The following PDSS2 variants were observed in gnomAD, a reference collection of about 807,000 sequenced individuals.
PDSS2 encodes the protein decaprenyl diphosphate synthase subunit 2, also known as all trans-polyprenyl-diphosphate synthase PDSS2.
PDSS2 carries 31 observed loss-of-function variants against 44.5 expected under a neutral mutation model. The observed-to-expected ratio is 0.70, with a 90% CI of 0.52 to 0.94. The LOEUF (loss-of-function observed/expected upper bound fraction) is 0.94. Among genes scored for constraint, PDSS2 ranks in the 40% least tolerant of loss-of-function variants. The pLI, the probability that PDSS2 is intolerant of heterozygous loss-of-function variation, is 0.00. For synonymous variants in PDSS2, 157 were observed against 180.3 expected, an observed-to-expected ratio of 0.87 and a Z score of 1.03; for missense variants, 452 against 482.2, an observed-to-expected ratio of 0.94 and a Z score of 0.59.
chr6:107,409,703 G>C (rs1248014830), intron 1 of PDSS2, among the ~76,000 whole-genome samples: 1 of 152,192 alleles, frequency 6.6e-6, no homozygotes, highest in Non-Finnish European at 1.5e-5. Context: ...ACTAGGCACT[G>C]AGCTAAACTC....
chr6:107,459,316 G>C lies in PDSS2; in HGVS notation c.-31C>G, dbSNP rs1381868933. On this transcript the variant is annotated 5_prime_UTR_variant, in exon 1 of 8. Coordinates refer to ENST00000369037, the MANE Select transcript of PDSS2 (RefSeq NM_020381.4). This position sits in a 1 kb window ranked among gnomAD's most constrained non-coding sequence, Gnocchi z 4.3. The stretch of plus-strand genomic sequence containing the variant: ...GAGTCTGGAAGGGTCTGGGACCTGG[G>C]GGTATCCAGAAGTGCCGCGGGAAAC... 1 of 1,604,170 alleles carries C rather than the reference G, an allele frequency of 6.2e-7. No individual in the cohort carries two copies. Among genetic ancestry groups the C allele is most frequent in the Admixed American group, 1.7e-5 (1 of 59,980 alleles).
intron 1 of PDSS2, among the ~76,000 whole-genome samples, chr6:107,434,177 A>G (rs1385138680): frequency 1.3e-5 from 2 of 152,242 alleles, no homozygotes; most frequent in Non-Finnish European, 2.9e-5. Context: ...TAGTACAACC[A>G]TTATGGAAAA....
chr6:107,311,045 G>C (rs552633269), intron 2 of PDSS2, among the ~76,000 whole-genome samples: 1 of 151,846 alleles, frequency 6.6e-6, no homozygotes, highest in African/African-American at 2.4e-5. Context: ...AGCCTCCTGA[G>C]TAGCTGAGAC....
chr6:107,225,143 A>ATATATATATATATT lies in PDSS2; in HGVS notation c.703-12862_703-12861insAATATATATATATA, dbSNP rs1297154076. 1.8e-3 allele frequency among the ~76,000 whole-genome samples: 75 copies of ATATATATATATATT among 41,578 alleles called. 5 individuals are homozygous for ATATATATATATATT. Among genetic ancestry groups the ATATATATATATATT allele is most frequent in the South Asian group, 4.2e-3 (5 of 1,182 alleles). The allele number at this position is 41,578 out of a possible 152,430, so 27.3% of individuals were successfully genotyped here. On this transcript the variant is annotated intron_variant, in intron 4 of 7. Coordinates refer to ENST00000369037, the MANE Select transcript of PDSS2 (RefSeq NM_020381.4). Reference sequence around the variant, plus strand: ...CTTCACTATATATATATTTTTATATATATATATATATATATATATTTTTTT... The same window carrying ATATATATATATATT: ...CTTCACTATATATATATTTTTATATATATATATATATATTTATATATATATATATATATTTTTTT...
Position 107,283,051 on chromosome 6 carries a change from G to A in PDSS2, c.432-8824C>T, listed in dbSNP as rs534598686. On this transcript the variant is annotated intron_variant, in intron 2 of 7. Coordinates refer to ENST00000369037, the MANE Select transcript of PDSS2 (RefSeq NM_020381.4). ...ATAAACAGTTTGGCTGGGTGTGGTG[G>A]CTCACACTTGTAATCCCAACACTTT... 2.6e-5 allele frequency among the ~76,000 whole-genome samples: 4 copies of A among 151,878 alleles called. No homozygotes were observed. The East Asian group carries it at 6.0e-4, about 23-fold the overall frequency.
intron 2 of PDSS2, among the ~76,000 whole-genome samples, chr6:107,332,591 G>T (rs1339904810): frequency 6.6e-6 from 1 of 151,356 alleles, no homozygotes; most frequent in African/African-American, 2.4e-5. Flanking sequence ...TTTTGAAATA[G>T]ATTAGAAAGG....
At chr6:107,195,975 G>T (rs1009675113) in intron 6 of PDSS2, among the ~76,000 whole-genome samples, 2 of 152,140 alleles carry the variant, frequency 1.3e-5, no homozygotes, top group Admixed American at 6.5e-5. Context: ...GAAACAAAAG[G>T]CCTCTGCAAC....
At chr6:107,282,592 T>A (rs9688429) in intron 2 of PDSS2, among the ~76,000 whole-genome samples, 2 of 150,930 alleles carry the variant, frequency 1.3e-5, no homozygotes, top group Non-Finnish European at 1.5e-5. Context: ...GGGGCCGGGC[T>A]CCGTGGTTCA....
chr6:107,371,713 G>T (rs1004309008), intron 1 of PDSS2, among the ~76,000 whole-genome samples: 1 of 152,098 alleles, frequency 6.6e-6, no homozygotes, highest in African/African-American at 2.4e-5. Flanking sequence ...AACCTAGCTG[G>T]GTCTTAAAGC....
At chr6:107,456,584 C>G (rs2114885832) in intron 1 of PDSS2, among the ~76,000 whole-genome samples, 1 of 152,322 alleles carries the variant, frequency 6.6e-6, no homozygotes, top group African/African-American at 2.4e-5. Context: ...GAGACAGGGT[C>G]TCTTGCCCAG....
chr6:107,273,979 A>G, intron 3 of PDSS2, 50 bp downstream of exon 3: 1 of 1,461,696 alleles, frequency 6.8e-7, no homozygotes, highest in South Asian at 1.1e-5. Context: ...GCAGCCAACT[A>G]ATTGCTACCT....
chr6:107,342,583 T>C (rs1050491889), intron 1 of PDSS2, among the ~76,000 whole-genome samples: 1 of 152,214 alleles, frequency 6.6e-6, no homozygotes, highest in African/African-American at 2.4e-5. Flanking sequence ...AATATTTATG[T>C]GTTTTGTTTC....
At chr6:107,160,860 C>A (rs1291227599) in intron 7 of PDSS2, among the ~76,000 whole-genome samples, 9 of 152,026 alleles carry the variant, frequency 5.9e-5, no homozygotes, top group African/African-American at 2.2e-4. Flanking sequence ...CCTGCCTCAG[C>A]CTCCTGAGTG....
At chr6:107,275,192 T>A (rs936009619) in intron 2 of PDSS2, among the ~76,000 whole-genome samples, 7 of 152,220 alleles carry the variant, frequency 4.6e-5, no homozygotes, top group Admixed American at 4.6e-4. Context: ...TTTATACTTT[T>A]CTGTAGTTTG....
intron 4 of PDSS2, among the ~76,000 whole-genome samples, chr6:107,239,672 C>T (rs563535395): frequency 2.0e-4 from 23 of 116,642 alleles, no homozygotes; most frequent in Middle Eastern, 8.2e-3. Context: ...GACAGAGTCT[C>T]GCTCTGTTGC....
chr6:107,212,328 TTTAA>T, intron 4 of PDSS2, 46 bp from the exon 5 acceptor site: 1 of 1,439,380 alleles, frequency 6.9e-7, no homozygotes, highest in Non-Finnish European at 9.6e-7. Flanking sequence ...TTAGGAGTAA[TTTAA>T]TTGTTTCTGT....
At chr6:107,329,178 C>T (rs1777638701) in intron 2 of PDSS2, among the ~76,000 whole-genome samples, 1 of 152,178 alleles carries the variant, frequency 6.6e-6, no homozygotes, top group African/African-American at 2.4e-5. Context: ...TTGATAATAG[C>T]TAAGAATAAG....
chr6:107,277,882 C>T (rs1194227167), intron 2 of PDSS2, among the ~76,000 whole-genome samples: 1 of 151,992 alleles, frequency 6.6e-6, no homozygotes, highest in Non-Finnish European at 1.5e-5. Context: ...ATCACTTGAA[C>T]CCGGAAGGCA....
intron 3 of PDSS2, among the ~76,000 whole-genome samples, chr6:107,248,168 C>T (rs1774691709): frequency 6.6e-6 from 1 of 152,042 alleles, no homozygotes; most frequent in Admixed American, 6.6e-5. Context: ...CCCAGACATT[C>T]ACCTGTTTAG....
Sources: gnomAD v4.1 joint callset for allele counts (sites outside exome capture counted in the v4.1 genomes callset) on GRCh38, gnomAD v4.1.1 for gene constraint, Gnocchi (gnomAD v3.1) non-coding constraint, MANE v1.5 for transcripts, NCBI Gene and HGNC (gene_info 2026-07-23, HGNC 2026-07-21) for gene names.